Variants in USH2A observed in about 807,000 individuals in gnomAD.
The protein encoded by USH2A is usherin, also known as Usher syndrome 2A (autosomal recessive, mild).
USH2A carries 443 observed loss-of-function variants against 538.9 expected under a neutral mutation model. The ratio of observed to expected loss-of-function variants is 0.82; its 90% CI spans 0.76 to 0.89. USH2A has a LOEUF of 0.89. Ranked by LOEUF, USH2A falls within the 40% of genes least tolerant of loss-of-function variation. The pLI is 0.00. For synonymous variants in USH2A, 2,413 were observed against 2,273.5 expected (o/e 1.06, Z -1.75); for missense variants, 6,633 against 6,324.8 (o/e 1.05, Z -1.65).
At chr1:215,868,483 C>T (rs1469946268) in intron 43 of USH2A, among the ~76,000 whole-genome samples, 1 of 152,202 alleles carries the variant, frequency 6.6e-6, no homozygotes, top group Non-Finnish European at 1.5e-5. Flanking sequence ...AGATCTTCTA[C>T]ACCTCCCTGC....
intron 32 of USH2A, among the ~76,000 whole-genome samples, chr1:216,019,645 T>C (rs1668799987): frequency 6.6e-6 from 1 of 152,176 alleles, no homozygotes; most frequent in South Asian, 2.1e-4. Flanking sequence ...AATCAGAATT[T>C]TGTGATAAAA....
chr1:216,364,706 T>C (rs2038560062), intron 4 of USH2A, among the ~76,000 whole-genome samples: 1 of 152,134 alleles, frequency 6.6e-6, no homozygotes, highest in Non-Finnish European at 1.5e-5. Context: ...AGACATGGAA[T>C]AGATTTGCCC....
chr1:215,761,373 T>C (rs73088892), intron 56 of USH2A, among the ~76,000 whole-genome samples: 1 of 152,142 alleles, frequency 6.6e-6, no homozygotes, highest in Non-Finnish European at 1.5e-5. Context: ...CATGGCCTTT[T>C]CTATTTCCTT....
intron 60 of USH2A, 48 bp from the exon 61 acceptor site, chr1:215,728,432 A>C: frequency 1.3e-6 from 2 of 1,579,258 alleles, no homozygotes; most frequent in Non-Finnish European, 1.7e-6. Context: ...ACACTTCAAA[A>C]CAAAGTTTGT....
intron 30 of USH2A, among the ~76,000 whole-genome samples, chr1:216,057,956 A>C (rs78331553): frequency 2.6e-5 from 4 of 152,266 alleles, no homozygotes; most frequent in African/African-American, 9.6e-5. Context: ...GAAGCTAGGT[A>C]CAGCCATGTG....
intron 9 of USH2A, among the ~76,000 whole-genome samples, chr1:216,306,666 T>C (rs147964671): frequency 9.8e-5 from 15 of 152,342 alleles, no homozygotes; most frequent in African/African-American, 3.6e-4. Flanking sequence ...GGGGCTCAAG[T>C]GCTGTTGTTC....
At position 215,694,442 on chromosome 1, in the gene USH2A, G is replaced by A. The variant is rs192150083; in HGVS notation, c.12067-14066C>T. The stretch of plus-strand genomic sequence containing the variant: ...CCAAAAATTAGACGGGCGTGGTTGC[G>A]GGCACCTGTAGTCCCAGCTACTCGG... On this transcript the variant is annotated intron_variant, in intron 61 of 71. Transcript: ENST00000307340. Among the ~76,000 whole-genome samples the A allele has an allele frequency of 4.8e-3, 731 of 152,158 alleles. 9 individuals are homozygous for A. The highest frequency in any genetic ancestry group is 0.017 in the African/African-American group (706 of 41,496).
At chr1:215,837,467 G>C (rs765808211) in intron 47 of USH2A, among the ~76,000 whole-genome samples, 5 of 152,042 alleles carry the variant, frequency 3.3e-5, no homozygotes, top group Non-Finnish European at 7.3e-5. Context: ...GAATTATAAA[G>C]AGACTCGCTT....
At chr1:215,811,962 A>G (rs1467228287) in intron 49 of USH2A, among the ~76,000 whole-genome samples, 2 of 144,510 alleles carry the variant, frequency 1.4e-5, no homozygotes, top group Admixed American at 1.4e-4. Context: ...ACAAAAAACC[A>G]ACCAAAAAAA....
intron 13 of USH2A, among the ~76,000 whole-genome samples, chr1:216,240,519 G>T: frequency 7.0e-6 from 1 of 142,408 alleles, no homozygotes; most frequent in African/African-American, 2.6e-5. Flanking sequence ...CTTCCAGGTC[G>T]TTAAAAAAAA....
intron 32 of USH2A, among the ~76,000 whole-genome samples, chr1:216,018,153 C>G (rs1333252298): frequency 6.6e-6 from 1 of 152,142 alleles, no homozygotes; most frequent in Non-Finnish European, 1.5e-5. Context: ...ACACCTTAAG[C>G]ATAAACTCTT....
At chr1:215,838,423 A>T (rs1013400328) in intron 46 of USH2A, among the ~76,000 whole-genome samples, 4 of 152,212 alleles carry the variant, frequency 2.6e-5, no homozygotes, top group African/African-American at 9.6e-5. Flanking sequence ...CCCAAGTGAC[A>T]GTTTGCAAGC....
rs547021988 is a variant in USH2A at position 215,802,448 on chromosome 1, C to T, written c.9740-3323G>A. 2.6e-5 allele frequency among the ~76,000 whole-genome samples: 4 copies of T among 151,756 alleles called. No homozygotes were observed. In the East Asian group the frequency reaches 5.8e-4, roughly 22 times the overall value. ...ACAAAGACCTTATTTTTTAAATGGGCAAATAACTTTAATAGACACTTTTTT... is the reference window on the plus strand; with the variant it reads ...ACAAAGACCTTATTTTTTAAATGGGTAAATAACTTTAATAGACACTTTTTT... On this transcript the variant is annotated intron_variant, in intron 49 of 71. Coordinates refer to ENST00000307340, the MANE Select transcript of USH2A (RefSeq NM_206933.4).
At chr1:215,825,912 A>G (rs1443389448) in intron 47 of USH2A, among the ~76,000 whole-genome samples, 2 of 152,218 alleles carry the variant, frequency 1.3e-5, no homozygotes, top group Non-Finnish European at 2.9e-5. Flanking sequence ...ATAAAAAGGA[A>G]CACACATTTC....
chr1:216,207,179 A>T, intron 16 of USH2A, 94 bp downstream of exon 16: 9 of 1,498,392 alleles, frequency 6.0e-6, no homozygotes, highest in Non-Finnish European at 8.3e-6. Context: ...CAGACAGAGG[A>T]AACCACAACA....
intron 30 of USH2A, among the ~76,000 whole-genome samples, chr1:216,069,898 G>A (rs1308732508): frequency 6.6e-6 from 1 of 152,158 alleles, no homozygotes; most frequent in South Asian, 2.1e-4. Flanking sequence ...TTATCCATGA[G>A]AGCCCATGCG....
chr1:216,083,572 G>T lies in USH2A; in HGVS notation c.5182C>A (p.His1728Asn). 1 of 1,612,074 alleles carries T rather than the reference G, an allele frequency of 6.2e-7. No homozygotes were observed. The highest frequency in any genetic ancestry group is 1.1e-5 in the South Asian group (1 of 90,934). The stretch of plus-strand genomic sequence containing the variant: ...ATTCCACCATGAAACATATATGGAT[G>T]AAGTTCCAGGAACCCTTTAAAGATA... ...QFLGAGFLEL[H>N]PYMFHGGMNF... Residue 1728 changes from histidine to asparagine, a missense_variant, in exon 26 of 72, where the codon CAT becomes AAT. Physicochemically the swap from His to Asn is moderately conservative, Grantham distance 68. Transcript: ENST00000307340.
intron 46 of USH2A, among the ~76,000 whole-genome samples, chr1:215,841,092 T>A (rs962526398): frequency 6.6e-6 from 1 of 152,036 alleles, no homozygotes; most frequent in African/African-American, 2.4e-5. Flanking sequence ...ATAGGAAGAA[T>A]AAATATCATG....
At chr1:215,950,504 C>CT (rs11326101) in intron 37 of USH2A, among the ~76,000 whole-genome samples, 4,748 of 131,224 alleles carry the variant, frequency 0.036, 101 homozygotes, top group Middle Eastern at 0.06. Flanking sequence ...TAATTGCTAC[C>CT]TTTTTTTTTT....
Sources: allele counts gnomAD v4.1 joint callset (sites outside exome capture counted in the v4.1 genomes callset), GRCh38; gene constraint gnomAD v4.1.1; transcripts MANE v1.5; gene names NCBI Gene and HGNC (gene_info 2026-07-23, HGNC 2026-07-21).